NPAS2: variants seen among roughly 807,000 people sequenced by gnomAD.
NPAS2 encodes neuronal PAS domain protein 2, also known as neuronal PAS domain-containing protein 2.
In NPAS2, 23 loss-of-function variants were observed where a neutral mutation model predicts 107.5. The observed-to-expected ratio is 0.21, with a 90% CI of 0.15 to 0.30. The LOEUF (loss-of-function observed/expected upper bound fraction) is 0.30. NPAS2 is among the 10% of genes least tolerant of loss of function. NPAS2 has a pLI of 1.00. For synonymous variants in NPAS2, 403 were observed against 417.5 expected (o/e 0.97, Z 0.42); for missense variants, 756 against 1,043.3 (o/e 0.72, Z 3.79).
chr2:100,851,516 C>T (rs912153262), intron 1 of NPAS2, among the ~76,000 whole-genome samples: 28 of 152,286 alleles, frequency 1.8e-4, no homozygotes, highest in African/African-American at 5.3e-4. Context: ...CTTTACTAAC[C>T]AGCGTTGTTC....
chr2:100,841,766 A>G (rs563255774), intron 1 of NPAS2, among the ~76,000 whole-genome samples: 1 of 152,232 alleles, frequency 6.6e-6, no homozygotes, highest in African/African-American at 2.4e-5. Context: ...ATGTGTATAT[A>G]CATGCACACA....
chr2:100,884,876 A>G (rs1680594034), intron 1 of NPAS2, among the ~76,000 whole-genome samples: 2 of 152,004 alleles, frequency 1.3e-5, no homozygotes, highest in Non-Finnish European at 2.9e-5. Flanking sequence ...GTTTTAAAAT[A>G]TATTTTTTTA....
At chr2:100,891,525 C>T (rs1681069661) in intron 1 of NPAS2, among the ~76,000 whole-genome samples, 1 of 152,152 alleles carries the variant, frequency 6.6e-6, no homozygotes, top group African/African-American at 2.4e-5. Context: ...AACAGATTCT[C>T]CTATCGATTG....
intron 1 of NPAS2, among the ~76,000 whole-genome samples, chr2:100,888,605 G>C (rs192990928): frequency 1.3e-5 from 2 of 152,264 alleles, no homozygotes; most frequent in African/African-American, 4.8e-5. Flanking sequence ...TGTGAACATA[G>C]GATAGTATCT....
intron 2 of NPAS2, among the ~76,000 whole-genome samples, chr2:100,911,685 G>A (rs1682556305): frequency 6.6e-6 from 1 of 151,952 alleles, no homozygotes; most frequent in African/African-American, 2.4e-5. Flanking sequence ...AGGCTGGAGT[G>A]CAGTGGCACA....
Position 100,852,223 on chromosome 2 carries a change from C to T in NPAS2, c.-23+31809C>T, listed in dbSNP as rs141702114. Among the ~76,000 whole-genome samples the T allele has an allele frequency of 3.9e-3, 599 of 151,972 alleles. 4 individuals carry two copies. The highest frequency in any genetic ancestry group is 0.013 in the African/African-American group (531 of 41,452). On this transcript the variant is annotated intron_variant, in intron 1 of 20. Coordinates refer to ENST00000335681, the MANE Select transcript of NPAS2 (RefSeq NM_002518.4). ...CATCCTGGCTAACACGGTGAAACCC[C>T]GTCTCTCCTAAAAAATACAAAAAAT...
At chr2:100,991,584 C>T (rs1678133924) in intron 19 of NPAS2, among the ~76,000 whole-genome samples, 1 of 152,206 alleles carries the variant, frequency 6.6e-6, no homozygotes, top group South Asian at 2.1e-4. Flanking sequence ...CACCCCCAGG[C>T]CCCTCTCCCT....
chr2:100,923,491 G>T (rs1441628930), intron 2 of NPAS2, among the ~76,000 whole-genome samples: 4 of 152,180 alleles, frequency 2.6e-5, no homozygotes, highest in African/African-American at 9.7e-5. Context: ...GTCCTTTTGT[G>T]TCCAAGGGCT....
chr2:100,957,708 C>T (rs1448240766), intron 7 of NPAS2, among the ~76,000 whole-genome samples: 2 of 152,164 alleles, frequency 1.3e-5, no homozygotes, highest in Admixed American at 6.5e-5. Context: ...GGGCGGATCA[C>T]GATGTCAGGA....
intron 12 of NPAS2, 127 bp from the exon 13 acceptor site, chr2:100,974,675 TC>T (rs1676845003): frequency 2.0e-6 from 2 of 1,023,234 alleles, no homozygotes; most frequent in Admixed American, 5.2e-5. Context: ...TTTGGAATCG[TC>T]CCCAAACAAC....
intron 17 of NPAS2, 176 bp downstream of exon 17, chr2:100,988,452 T>A: frequency 1.7e-6 from 1 of 601,408 alleles, no homozygotes; most frequent in South Asian, 2.1e-5. Context: ...TTAAAGTCAC[T>A]TTGAAACCCC....
chr2:100,931,647 C>T (rs534314979), intron 3 of NPAS2, among the ~76,000 whole-genome samples: 13 of 151,964 alleles, frequency 8.6e-5, no homozygotes, highest in Non-Finnish European at 1.2e-4. Flanking sequence ...CCACCACTCC[C>T]GGCTAATATT....
In NPAS2 at chr2:100,980,870, G is replaced by C. The variant is rs150083762; in HGVS notation, c.1483-1361G>C. 6.9e-3 allele frequency among the ~76,000 whole-genome samples: 1,054 copies of C among 152,162 alleles called. 16 individuals carry two copies. Among genetic ancestry groups the C allele is most frequent in the African/African-American group, 0.024 (1,015 of 41,508 alleles). On this transcript the variant is annotated intron_variant, in intron 15 of 20. Coordinates refer to ENST00000335681, the MANE Select transcript of NPAS2 (RefSeq NM_002518.4). ...CTGGTCAAGATGGGAGTGTCTTGTG[G>C]GCAAAACTTCTTGGCCTTGCTCAGC...
At chr2:100,978,950 C>G (rs1677222621) in intron 15 of NPAS2, among the ~76,000 whole-genome samples, 2 of 152,314 alleles carry the variant, frequency 1.3e-5, no homozygotes, top group East Asian at 3.9e-4. Flanking sequence ...ACTTCAGTTC[C>G]CTCATAGGAG....
intron 1 of NPAS2, among the ~76,000 whole-genome samples, chr2:100,863,938 C>T (rs193271178): frequency 1.3e-4 from 20 of 152,294 alleles, no homozygotes; most frequent in Admixed American, 1.3e-3. Flanking sequence ...TAATTTGTCA[C>T]GCTGCCAAAT....
At chr2:100,878,654 C>CA in intron 1 of NPAS2, 1 of 983,102 alleles carries the variant, frequency 1.0e-6, no homozygotes, top group Non-Finnish European at 1.2e-6. Context: ...GGTTTTGTTT[C>CA]AAAAAAAGTT....
chr2:100,876,112 T>G (rs1268365353), intron 1 of NPAS2, among the ~76,000 whole-genome samples: 1 of 152,182 alleles, frequency 6.6e-6, no homozygotes, highest in Admixed American at 6.5e-5. Context: ...GAGCAGGCCT[T>G]CTCAGAGGCA....
intron 1 of NPAS2, among the ~76,000 whole-genome samples, chr2:100,841,227 G>T (rs1279293234): frequency 2.6e-5 from 4 of 152,142 alleles, no homozygotes; most frequent in Non-Finnish European, 2.9e-5. Flanking sequence ...CTGAGGTCAG[G>T]AGTTCAAGAA....
chr2:100,887,976 C>T (rs540586964), intron 1 of NPAS2, among the ~76,000 whole-genome samples: 5 of 152,186 alleles, frequency 3.3e-5, no homozygotes, highest in African/African-American at 1.2e-4. Context: ...AGTTGCTTTC[C>T]GAGTCATACA....
Sources: allele counts gnomAD v4.1 joint callset (sites outside exome capture counted in the v4.1 genomes callset), GRCh38; gene constraint gnomAD v4.1.1; transcripts MANE v1.5; gene names NCBI Gene and HGNC (gene_info 2026-07-23, HGNC 2026-07-21).